MYO3B: variants seen among roughly 807,000 people sequenced by gnomAD.
MYO3B encodes the protein myosin-IIIb.
MYO3B carries 156 observed loss-of-function variants against 174.6 expected under a neutral mutation model. That is an observed-to-expected ratio of 0.89 (90% CI 0.78 to 1.02). The LOEUF is 1.02. Among genes scored for constraint, MYO3B ranks in the 50% least tolerant of loss-of-function variants. The pLI, the probability that MYO3B is intolerant of heterozygous loss-of-function variation, is 0.00. For missense variants in MYO3B, 1,632 were observed against 1,639.4 expected, an observed-to-expected ratio of 1.00 and a Z score of 0.08; for synonymous variants, 563 against 569.1, an observed-to-expected ratio of 0.99 and a Z score of 0.15.
rs542576862 is a variant in MYO3B at position 170,551,802 on chromosome 2, G to T, written c.3733+7814G>T. Among the ~76,000 whole-genome samples, 4 of 152,292 alleles carry T rather than the reference G, an allele frequency of 2.6e-5. No individual in the cohort carries two copies. In the East Asian group the frequency reaches 7.7e-4, roughly 29 times the overall value. ...TGAATTGTAATCCTCAGTGTTGGGG[G>T]AGGGACCTGGTGGGAGGTGATTGGA... On this transcript the variant is annotated intron_variant, in intron 32 of 34. Transcript: ENST00000408978.
chr2:170,303,609 T>C (rs564122903), intron 7 of MYO3B, among the ~76,000 whole-genome samples: 1 of 152,232 alleles, frequency 6.6e-6, no homozygotes, highest in Admixed American at 6.5e-5. Flanking sequence ...GTTATGTCAC[T>C]TTATTCTTTG....
rs139052963 is a variant in MYO3B, at chr2:170,428,072, C to T, written c.2651-15895C>T. Among the ~76,000 whole-genome samples the T allele has an allele frequency of 2.6e-5, 4 of 152,288 alleles. 1 individual carries two copies. The highest frequency in any genetic ancestry group is 1.9e-4 in the East Asian group (1 of 5,188). ...AAAACTATGCCTCTGTCTCCTCTCA[C>T]GTGCTAAGAAACAAGAATGATATTA... On this transcript the variant is annotated intron_variant, in intron 22 of 34. Transcript: ENST00000408978.
chr2:170,374,663 T>C (rs1234424755), intron 9 of MYO3B, among the ~76,000 whole-genome samples: 2 of 152,020 alleles, frequency 1.3e-5, no homozygotes, highest in Admixed American at 6.6e-5. Context: ...TCACCTCTCC[T>C]GGGTCTAACC....
intron 9 of MYO3B, among the ~76,000 whole-genome samples, chr2:170,381,616 G>C (rs1440449022): frequency 6.6e-6 from 1 of 152,190 alleles, no homozygotes; most frequent in Non-Finnish European, 1.5e-5. Context: ...AGTTGGGGGT[G>C]GTGCTGGTAG....
intron 25 of MYO3B, among the ~76,000 whole-genome samples, chr2:170,482,944 A>C (rs1409100974): frequency 6.6e-6 from 1 of 152,268 alleles, no homozygotes; most frequent in Non-Finnish European, 1.5e-5. Flanking sequence ...TGCCTAAGGC[A>C]ATTGGGACAA....
intron 6 of MYO3B, 84 bp from the exon 7 acceptor site, chr2:170,235,907 G>C (rs1227854468): frequency 6.5e-7 from 1 of 1,543,244 alleles, no homozygotes; most frequent in African/African-American, 1.4e-5. Flanking sequence ...AACTGAGAAC[G>C]GGGCTAAGAT....
At chr2:170,307,169 G>T (rs747294559) in intron 7 of MYO3B, among the ~76,000 whole-genome samples, 4 of 147,086 alleles carry the variant, frequency 2.7e-5, no homozygotes, top group Non-Finnish European at 4.5e-5. Flanking sequence ...CTTGAGCCCA[G>T]GAGTTTGAGG....
chr2:170,488,087 CA>C (rs1434522339), intron 25 of MYO3B, among the ~76,000 whole-genome samples: 1 of 152,054 alleles, frequency 6.6e-6, no homozygotes, highest in Non-Finnish European at 1.5e-5. Flanking sequence ...TGGCAGTAAC[CA>C]ATAAGTCTGT....
intron 22 of MYO3B, among the ~76,000 whole-genome samples, chr2:170,421,264 A>T (rs79809183): frequency 0.017 from 2,536 of 152,286 alleles, 34 homozygotes; most frequent in Middle Eastern, 0.068. Context: ...TCCATTCAGA[A>T]CTTCATATTC....
At chr2:170,393,307 C>A (rs934652888) in intron 16 of MYO3B, among the ~76,000 whole-genome samples, 4 of 151,990 alleles carry the variant, frequency 2.6e-5, no homozygotes, top group Non-Finnish European at 5.9e-5. Flanking sequence ...TGGTCTTGAA[C>A]TCCTGACCTC....
intron 7 of MYO3B, among the ~76,000 whole-genome samples, chr2:170,297,732 T>C (rs967705056): frequency 1.3e-5 from 2 of 152,158 alleles, no homozygotes; most frequent in African/African-American, 4.8e-5. Context: ...AATAAGGAAT[T>C]AGAGAGCACA....
intron 7 of MYO3B, among the ~76,000 whole-genome samples, chr2:170,266,005 C>T (rs1487318105): frequency 6.6e-6 from 1 of 151,990 alleles, no homozygotes; most frequent in Non-Finnish European, 1.5e-5. Flanking sequence ...TTCTGAGCTC[C>T]CTAGCTGTCA....
intron 32 of MYO3B, 82 bp from the exon 33 acceptor site, chr2:170,651,546 T>C (rs12999176): frequency 0.13 from 135,545 of 1,022,326 alleles, 9,532 homozygotes; most frequent in Middle Eastern, 0.21. Flanking sequence ...TTCTACTAAG[T>C]GCATTTATGT....
At chr2:170,299,789 AG>A (rs1288690614) in intron 7 of MYO3B, among the ~76,000 whole-genome samples, 2 of 152,362 alleles carry the variant, frequency 1.3e-5, no homozygotes, top group East Asian at 3.9e-4. Flanking sequence ...ATTAGGGTAA[AG>A]ATATTTTCAT....
chr2:170,518,782 T>C (rs892875166), intron 29 of MYO3B, among the ~76,000 whole-genome samples: 1 of 152,226 alleles, frequency 6.6e-6, no homozygotes, highest in Non-Finnish European at 1.5e-5. Context: ...GTGATGTTGA[T>C]GCTACTTGTT....
chr2:170,544,568 A>C (rs752027926), intron 32 of MYO3B, among the ~76,000 whole-genome samples: 30 of 152,264 alleles, frequency 2.0e-4, no homozygotes, highest in Non-Finnish European at 4.3e-4. Context: ...ACTAAGGACT[A>C]CGTGAACCAT....
intron 17 of MYO3B, 59 bp downstream of exon 17, chr2:170,400,373 T>C (rs2094467081): frequency 1.9e-6 from 3 of 1,578,258 alleles, no homozygotes; most frequent in Admixed American, 1.8e-5. Context: ...CTTTAGGCTC[T>C]GTAAAATATA....
At chr2:170,501,414 C>T (rs542582173) in intron 27 of MYO3B, among the ~76,000 whole-genome samples, 60 of 152,308 alleles carry the variant, frequency 3.9e-4, no homozygotes, top group South Asian at 1.0e-3. Context: ...TTCTACCATC[C>T]CTGCCAAACC....
At chr2:170,408,958 G>A (rs1295709792) in intron 22 of MYO3B, among the ~76,000 whole-genome samples, 3 of 152,122 alleles carry the variant, frequency 2.0e-5, no homozygotes, top group East Asian at 1.9e-4. Context: ...CCAGGAGCTC[G>A]GGGCAGGTGT....
Sources: gnomAD v4.1 joint callset for allele counts (sites outside exome capture counted in the v4.1 genomes callset) on GRCh38, gnomAD v4.1.1 for gene constraint, MANE v1.5 for transcripts, NCBI Gene and HGNC (gene_info 2026-07-23, HGNC 2026-07-21) for gene names.